GRIP1: variants seen among roughly 807,000 people sequenced by gnomAD.
GRIP1 encodes glutamate receptor interacting protein 1.
Under a neutral mutation model 129.9 loss-of-function variants are expected in GRIP1, and 45 were observed. The ratio of observed to expected loss-of-function variants is 0.35; its 90% CI spans 0.27 to 0.44. The LOEUF is 0.44. Among genes scored for constraint, GRIP1 ranks in the 20% least tolerant of loss-of-function variants. The pLI is 1.00. For missense variants in GRIP1, 1,196 were observed against 1,396.8 expected, an observed-to-expected ratio of 0.86 and a Z score of 2.29; for synonymous variants, 530 against 520.8, an observed-to-expected ratio of 1.02 and a Z score of -0.24.
chr12:66,847,464 C>T (rs1453014115), intron 1 of GRIP1, among the ~76,000 whole-genome samples: 1 of 152,138 alleles, frequency 6.6e-6, no homozygotes, highest in Non-Finnish European at 1.5e-5. Context: ...TGATGAACAT[C>T]TTTAATCAAT....
chr12:66,941,920 T>C (rs529671056), intron 1 of GRIP1, among the ~76,000 whole-genome samples: 5 of 152,280 alleles, frequency 3.3e-5, no homozygotes, highest in Admixed American at 6.5e-5. Context: ...CAAACATTTA[T>C]TGAAAACTAA....
intron 1 of GRIP1, among the ~76,000 whole-genome samples, chr12:66,810,451 G>A (rs970717616): frequency 2.0e-5 from 3 of 152,088 alleles, no homozygotes; most frequent in Non-Finnish European, 2.9e-5. Context: ...CCAGCTACTC[G>A]GGAGGCTTAG....
intron 7 of GRIP1, among the ~76,000 whole-genome samples, chr12:66,484,782 T>A (rs1054271094): frequency 1.3e-5 from 2 of 152,130 alleles, no homozygotes; most frequent in African/African-American, 4.8e-5. Flanking sequence ...TGACTATAGT[T>A]ACCAACACTT....
chr12:66,851,036 T>G (rs1592901868), intron 1 of GRIP1, among the ~76,000 whole-genome samples: 1 of 150,926 alleles, frequency 6.6e-6, no homozygotes, highest in East Asian at 1.9e-4. Flanking sequence ...CAAAAGTGAT[T>G]TGAGGTAAAT....
intron 7 of GRIP1, among the ~76,000 whole-genome samples, chr12:66,474,676 A>C (rs1196193356): frequency 6.6e-6 from 1 of 150,500 alleles, no homozygotes; most frequent in Non-Finnish European, 1.5e-5. Context: ...CCAATATTCA[A>C]CATTCTTAAA....
intron 2 of GRIP1, among the ~76,000 whole-genome samples, chr12:66,590,165 T>C (rs1352490151): frequency 6.6e-6 from 1 of 152,164 alleles, no homozygotes; most frequent in East Asian, 1.9e-4. Flanking sequence ...ATTGACCAAG[T>C]GCCACCTCTC....
intron 1 of GRIP1, among the ~76,000 whole-genome samples, chr12:66,730,900 T>C (rs920774158): frequency 6.6e-6 from 1 of 152,160 alleles, no homozygotes; most frequent in African/African-American, 2.4e-5. Flanking sequence ...GAAACTTTAA[T>C]GGCATTCTAT....
At chr12:66,493,835 C>G (rs569485727) in intron 7 of GRIP1, among the ~76,000 whole-genome samples, 212 of 152,274 alleles carry the variant, frequency 1.4e-3, no homozygotes, top group African/African-American at 5.0e-3. Context: ...AAGAAGTGAA[C>G]ACAGACTCTA....
chr12:66,926,174 G>A lies in GRIP1; in HGVS notation c.58+142876C>T, dbSNP rs185504495. ...AGTCATTACCCCACAAAGTCACTGAGGAGGCTTTTGTTTAAAATTCTCAGT... is the reference window on the plus strand; with the variant it reads ...AGTCATTACCCCACAAAGTCACTGAAGAGGCTTTTGTTTAAAATTCTCAGT... On this transcript the variant is annotated intron_variant, in intron 1 of 1. Transcript: ENST00000643019. Among the ~76,000 whole-genome samples, 8 of 152,248 alleles carry A rather than the reference G, an allele frequency of 5.3e-5. No individual in the cohort carries two copies. The East Asian group carries it at 1.5e-3, about 29-fold the overall frequency.
intron 1 of GRIP1, among the ~76,000 whole-genome samples, chr12:66,943,590 T>C (rs1231540628): frequency 6.6e-6 from 1 of 152,226 alleles, no homozygotes; most frequent in African/African-American, 2.4e-5. Context: ...GCAGTATGCA[T>C]GCCTCTATTC....
intron 2 of GRIP1, among the ~76,000 whole-genome samples, chr12:66,547,663 A>G (rs988150896): frequency 6.6e-6 from 1 of 152,210 alleles, no homozygotes; most frequent in African/African-American, 2.4e-5. Flanking sequence ...AAGGGCAAAA[A>G]GTCAACCCCA....
intron 23 of GRIP1, among the ~76,000 whole-genome samples, chr12:66,360,042 C>A (rs2054674877): frequency 6.6e-6 from 1 of 152,160 alleles, no homozygotes; most frequent in Non-Finnish European, 1.5e-5. Context: ...GCAGCAAAAT[C>A]ATTGCCTTTC....
At chr12:66,436,549 T>G (rs758426071) in intron 13 of GRIP1, among the ~76,000 whole-genome samples, 10 of 152,202 alleles carry the variant, frequency 6.6e-5, no homozygotes, top group Non-Finnish European at 1.3e-4. Context: ...TAAAATTATA[T>G]GTATGGTAAG....
chr12:66,823,392 C>G (rs1430009309), intron 1 of GRIP1, among the ~76,000 whole-genome samples: 1 of 152,022 alleles, frequency 6.6e-6, no homozygotes, highest in Non-Finnish European at 1.5e-5. Context: ...ATAGAGATCT[C>G]TAGATTTCTA....
chr12:66,699,924 G>A lies in GRIP1; in HGVS notation c.-419-69588C>T, dbSNP rs781223439. 5.3e-5 allele frequency among the ~76,000 whole-genome samples: 8 copies of A among 152,254 alleles called. No individual in the cohort carries two copies. In the East Asian group the frequency reaches 1.6e-3, roughly 30 times the overall value. ...TACCAGCTCCCAAAGAGAAGAGAGA[G>A]GGAGGAACTGAGCATCACAAAGGAA... On this transcript the variant is annotated intron_variant, in intron 1 of 4. Transcript: ENST00000538373.
chr12:66,645,958 T>C (rs1254349009), intron 1 of GRIP1, among the ~76,000 whole-genome samples: 1 of 152,206 alleles, frequency 6.6e-6, no homozygotes, highest in Non-Finnish European at 1.5e-5. Context: ...TTATACTGTA[T>C]GGAGCCATCA....
At chr12:66,820,620 G>C (rs76434264) in intron 1 of GRIP1, among the ~76,000 whole-genome samples, 4 of 152,012 alleles carry the variant, frequency 2.6e-5, no homozygotes. Flanking sequence ...CTTTCAGTAG[G>C]TGACTAGATA....
chr12:66,465,714 C>A (rs1046512120), intron 7 of GRIP1, among the ~76,000 whole-genome samples: 1 of 152,220 alleles, frequency 6.6e-6, no homozygotes, highest in East Asian at 1.9e-4. Flanking sequence ...TTTATCCCCT[C>A]CACAGTGCTT....
At chr12:66,773,341 G>T (rs1453980080) in intron 1 of GRIP1, among the ~76,000 whole-genome samples, 1 of 152,158 alleles carries the variant, frequency 6.6e-6, no homozygotes, top group Non-Finnish European at 1.5e-5. Context: ...AATCCTTTGG[G>T]TATATACCCA....
Sources: allele counts gnomAD v4.1 joint callset (sites outside exome capture counted in the v4.1 genomes callset), GRCh38; gene constraint gnomAD v4.1.1; transcripts MANE v1.5; gene names NCBI Gene and HGNC (gene_info 2026-07-23, HGNC 2026-07-21).